ARFIP1: variants seen among roughly 807,000 people sequenced by gnomAD.
ARFIP1 encodes arfaptin-1.
A neutral mutation model predicts 42.5 loss-of-function variants in ARFIP1; 24 were observed. That is an observed-to-expected ratio of 0.57 (90% CI 0.41 to 0.80). ARFIP1 has a LOEUF of 0.80. Among genes scored for constraint, ARFIP1 ranks in the 30% least tolerant of loss-of-function variants. The pLI is 0.00. For missense variants in ARFIP1, 354 were observed against 434.0 expected (o/e 0.82, Z 1.64); for synonymous variants, 141 against 153.7 (o/e 0.92, Z 0.61).
At position 152,882,791 on chromosome 4, in the gene ARFIP1, C is replaced by G; in HGVS notation, c.702C>G (p.Ala234=). Residue 234 remains alanine, a synonymous_variant, in exon 7 of 9, where the codon GCC becomes GCG. Transcript: ENST00000353617. The part of the protein sequence containing the change: ...LAKNGETLLG[A]INFFIASVNT... The stretch of plus-strand genomic sequence containing the variant: ...AAAATGGAGAGACTCTTCTTGGGGC[C>G]ATTAATTTTTTCATTGCTAGTGTGA... 6.2e-7 allele frequency: 1 copy of G among 1,613,092 alleles called. No homozygotes were observed. The highest frequency in any genetic ancestry group is 8.5e-7 in the Non-Finnish European group (1 of 1,179,432).
intron 1 of ARFIP1, among the ~76,000 whole-genome samples, chr4:152,820,562 T>G (rs1730288560): frequency 6.6e-6 from 1 of 152,094 alleles, no homozygotes; most frequent in South Asian, 2.1e-4. Flanking sequence ...ACAGTCGTAG[T>G]GGAAGGTGAA....
chr4:152,873,258 C>T (rs1578981879), intron 5 of ARFIP1, among the ~76,000 whole-genome samples: 1 of 152,150 alleles, frequency 6.6e-6, no homozygotes, highest in Non-Finnish European at 1.5e-5. Flanking sequence ...ACAATTCTCC[C>T]TATATTCGTG....
At chr4:152,816,548 T>C (rs1178326418) in intron 1 of ARFIP1, among the ~76,000 whole-genome samples, 2 of 152,226 alleles carry the variant, frequency 1.3e-5, no homozygotes, top group Non-Finnish European at 2.9e-5. Flanking sequence ...GACCACCATA[T>C]CTAAAACAGC....
intron 4 of ARFIP1, among the ~76,000 whole-genome samples, chr4:152,871,244 G>C (rs544509311): frequency 6.6e-6 from 1 of 152,144 alleles, no homozygotes; most frequent in Admixed American, 6.5e-5. Context: ...TTTAAGAATG[G>C]ATTAAATGAA....
chr4:152,811,090 C>CTTTTT (rs5863021), intron 1 of ARFIP1, among the ~76,000 whole-genome samples: 2 of 74,426 alleles, frequency 2.7e-5, no homozygotes, highest in Non-Finnish European at 5.0e-5. Flanking sequence ...AAGGTTAAGC[C>CTTTTT]TTTTTTTTTT....
intron 1 of ARFIP1, among the ~76,000 whole-genome samples, chr4:152,829,326 T>G (rs555364892): frequency 1.1e-4 from 17 of 151,712 alleles, no homozygotes; most frequent in Non-Finnish European, 2.5e-4. Context: ...TTTCTGTAAT[T>G]TTTTTTTTCC....
chr4:152,848,055 G>C (rs1732704532), intron 2 of ARFIP1, among the ~76,000 whole-genome samples: 2 of 152,006 alleles, frequency 1.3e-5, no homozygotes. Context: ...CCACCTGTAA[G>C]TTTTAAGTGA....
chr4:152,856,438 T>G (rs1255008011), intron 2 of ARFIP1, among the ~76,000 whole-genome samples: 4 of 152,074 alleles, frequency 2.6e-5, no homozygotes, highest in African/African-American at 9.7e-5. Context: ...AAATGAAAAA[T>G]AACAATACAA....
chr4:152,879,741 C>T (rs1213296985), intron 5 of ARFIP1, among the ~76,000 whole-genome samples: 2 of 152,022 alleles, frequency 1.3e-5, no homozygotes, highest in Non-Finnish European at 1.5e-5. Flanking sequence ...CCCAGCTACT[C>T]GGGAGGCTGA....
chr4:152,846,639 T>C (rs540967267), intron 2 of ARFIP1, among the ~76,000 whole-genome samples: 1 of 152,266 alleles, frequency 6.6e-6, no homozygotes, highest in South Asian at 2.1e-4. Flanking sequence ...TCTATTTTAA[T>C]AGAGATAAAA....
chr4:152,814,392 C>A (rs941521332), intron 1 of ARFIP1, among the ~76,000 whole-genome samples: 2 of 152,104 alleles, frequency 1.3e-5, no homozygotes, highest in African/African-American at 4.8e-5. Flanking sequence ...CCACTCCTAG[C>A]CAGTTTCTGT....
intron 2 of ARFIP1, among the ~76,000 whole-genome samples, chr4:152,830,343 A>G (rs1731167431): frequency 1.3e-5 from 2 of 152,150 alleles, no homozygotes; most frequent in South Asian, 2.1e-4. Context: ...AATCTCTACA[A>G]TGAATATCTT....
intron 5 of ARFIP1, among the ~76,000 whole-genome samples, chr4:152,879,806 A>G (rs1188563006): frequency 6.6e-6 from 1 of 152,146 alleles, no homozygotes; most frequent in Non-Finnish European, 1.5e-5. Flanking sequence ...CTGAGGCTGC[A>G]CCATTGCACT....
chr4:152,794,102 G>A (rs780326615), intron 1 of ARFIP1, among the ~76,000 whole-genome samples: 94 of 152,148 alleles, frequency 6.2e-4, no homozygotes, highest in Non-Finnish European at 1.2e-3. Flanking sequence ...TTCCCCTAAT[G>A]CTAACATCTT....
At chr4:152,905,938 G>A (rs952902992) in intron 8 of ARFIP1, among the ~76,000 whole-genome samples, 2 of 151,916 alleles carry the variant, frequency 1.3e-5, no homozygotes, top group East Asian at 1.9e-4. Flanking sequence ...TTTCACTTTT[G>A]TGTCTTTTGA....
At chr4:152,906,248 CT>C (rs1250907177) in intron 8 of ARFIP1, among the ~76,000 whole-genome samples, 1 of 152,194 alleles carries the variant, frequency 6.6e-6, no homozygotes, top group Non-Finnish European at 1.5e-5. Context: ...TAAATATCAT[CT>C]GTATATTAAT....
chr4:152,863,489 C>T (rs1176108542), intron 2 of ARFIP1, 117 bp from the exon 3 acceptor site: 7 of 587,062 alleles, frequency 1.2e-5, no homozygotes, highest in Non-Finnish European at 2.1e-5. Context: ...AAGGGAATAC[C>T]GCATAGCAGA....
intron 1 of ARFIP1, among the ~76,000 whole-genome samples, chr4:152,801,960 A>T (rs73865247): frequency 0.011 from 1,711 of 152,304 alleles, 43 homozygotes; most frequent in African/African-American, 0.038. Flanking sequence ...CCTTAAGTCC[A>T]TGTCTCTTAA....
chr4:152,848,119 A>G (rs888256739), intron 2 of ARFIP1, among the ~76,000 whole-genome samples: 1 of 152,110 alleles, frequency 6.6e-6, no homozygotes, highest in African/African-American at 2.4e-5. Flanking sequence ...GAGTCTCACT[A>G]TGTTATTTTA....
Sources: allele counts gnomAD v4.1 joint callset (sites outside exome capture counted in the v4.1 genomes callset), GRCh38; gene constraint gnomAD v4.1.1; transcripts MANE v1.5; gene names NCBI Gene and HGNC (gene_info 2026-07-23, HGNC 2026-07-21).